PDE3A: variants seen among roughly 807,000 people sequenced by gnomAD.
PDE3A encodes cGMP-inhibited 3',5'-cyclic phosphodiesterase 3A.
A neutral mutation model predicts 98.3 loss-of-function variants in PDE3A; 43 were observed. The observed-to-expected ratio is 0.44, with a 90% CI of 0.34 to 0.56. The LOEUF is 0.56. Ranked by LOEUF, PDE3A falls within the 20% of genes least tolerant of loss-of-function variation. PDE3A has a pLI of 0.01. For synonymous variants in PDE3A, 663 were observed against 567.9 expected, an observed-to-expected ratio of 1.17 and a Z score of -2.38; for missense variants, 1,427 against 1,440.7, an observed-to-expected ratio of 0.99 and a Z score of 0.15.
At chr12:20,663,209 C>T (rs138554351) in intron 15 of PDE3A, among the ~76,000 whole-genome samples, 1 of 152,300 alleles carries the variant, frequency 6.6e-6, no homozygotes, top group East Asian at 1.9e-4. Flanking sequence ...GCCTGGATGT[C>T]CTGGCAGAAG....
At chr12:20,493,007 A>C (rs1371008617) in intron 1 of PDE3A, among the ~76,000 whole-genome samples, 1 of 152,176 alleles carries the variant, frequency 6.6e-6, no homozygotes, top group Non-Finnish European at 1.5e-5. Flanking sequence ...TTCCTTATTG[A>C]TTTAAAGAGG....
chr12:20,679,235 G>T (rs1188444922), intron 15 of PDE3A, among the ~76,000 whole-genome samples: 1 of 152,030 alleles, frequency 6.6e-6, no homozygotes, highest in Non-Finnish European at 1.5e-5. Flanking sequence ...ACTACACTTT[G>T]AAATTAATTT....
rs556150893 is a variant in PDE3A, at chr12:20,680,447, A to C, written c.*176A>C. Reference sequence around the variant, plus strand: ...TTTACAGTGAGGTACATTGTTAAAAACTTTTTGCTCAAAGAAGCTTTCACA... The same window carrying C: ...TTTACAGTGAGGTACATTGTTAAAACCTTTTTGCTCAAAGAAGCTTTCACA... On this transcript the variant is annotated 3_prime_UTR_variant, in exon 16 of 16. Transcript: ENST00000359062. The C allele has an allele frequency of 1.5e-6, 1 of 665,594 alleles. No homozygotes were observed. Among genetic ancestry groups the C allele is most frequent in the Admixed American group, 3.2e-5 (1 of 30,994 alleles). 41.2% of individuals were successfully genotyped at this position (665,594 alleles called of 1,614,324 possible).
At chr12:20,398,886 A>T (rs569973176) in intron 1 of PDE3A, among the ~76,000 whole-genome samples, 1 of 152,298 alleles carries the variant, frequency 6.6e-6, no homozygotes, top group South Asian at 2.1e-4. Context: ...GTACATTTAC[A>T]TTGTTGGGCA....
chr12:20,373,276 T>A (rs1943511703), intron 1 of PDE3A, among the ~76,000 whole-genome samples: 1 of 152,106 alleles, frequency 6.6e-6, no homozygotes, highest in East Asian at 1.9e-4. Flanking sequence ...AGAAGGCAAG[T>A]GTCTGTTAAG....
chr12:20,682,745 T>C lies in PDE3A; in HGVS notation c.*2474T>C, dbSNP rs1314916011. ...TAAGGGGAAAAAAGCATTTATCTTA[T>C]CTTCTCATACCCCTTGCATCTAAGT... On this transcript the variant is annotated 3_prime_UTR_variant, in exon 16 of 16. Transcript: ENST00000359062. 6.6e-6 allele frequency: 1 copy of C among 152,206 alleles called. No homozygotes were observed. The highest frequency in any genetic ancestry group is 1.5e-5 in the Non-Finnish European group (1 of 68,038). 9.4% of individuals were successfully genotyped at this position (152,206 alleles called of 1,614,324 possible). A position where few individuals can be genotyped will look rare whatever the true frequency, so the allele number is the denominator to read the frequency against.
intron 1 of PDE3A, among the ~76,000 whole-genome samples, chr12:20,456,964 G>A (rs1010652310): frequency 6.6e-6 from 1 of 151,992 alleles, no homozygotes; most frequent in African/African-American, 2.4e-5. Context: ...CTCTTCCCTT[G>A]GTTGAGTTAT....
intron 12 of PDE3A, 113 bp downstream of exon 12, chr12:20,647,063 C>T: frequency 2.9e-6 from 2 of 678,898 alleles, no homozygotes; most frequent in Non-Finnish European, 5.1e-6. Flanking sequence ...TATACATAGT[C>T]TTACGTTGAA....
intron 1 of PDE3A, among the ~76,000 whole-genome samples, chr12:20,442,363 A>C (rs1056386786): frequency 6.6e-6 from 1 of 152,178 alleles, no homozygotes; most frequent in Non-Finnish European, 1.5e-5. Flanking sequence ...GTTTGTGTAG[A>C]TTGAAGGGAA....
intron 10 of PDE3A, among the ~76,000 whole-genome samples, chr12:20,641,798 T>C (rs1326368110): frequency 2.6e-5 from 4 of 152,190 alleles, no homozygotes; most frequent in Non-Finnish European, 4.4e-5. Flanking sequence ...ACCCCTGAAA[T>C]AGTGGGTTCT....
intron 1 of PDE3A, among the ~76,000 whole-genome samples, chr12:20,521,082 C>T (rs1047781229): frequency 6.6e-6 from 1 of 151,476 alleles, no homozygotes; most frequent in Non-Finnish European, 1.5e-5. Flanking sequence ...TTGTTGTATA[C>T]CTTTTCCTTC....
At chr12:20,417,533 G>C (rs1349899358) in intron 1 of PDE3A, among the ~76,000 whole-genome samples, 1 of 152,122 alleles carries the variant, frequency 6.6e-6, no homozygotes, top group African/African-American at 2.4e-5. Flanking sequence ...CTGGACTTTT[G>C]TCTGGCAAAG....
chr12:20,452,235 A>G (rs912454705), intron 1 of PDE3A, among the ~76,000 whole-genome samples: 3 of 152,192 alleles, frequency 2.0e-5, no homozygotes, highest in Admixed American at 1.3e-4. Context: ...TGTCTTGTTC[A>G]TTGTTCTTCT....
intron 1 of PDE3A, among the ~76,000 whole-genome samples, chr12:20,421,270 A>G (rs10770656): frequency 0.044 from 6,708 of 152,200 alleles, 437 homozygotes; most frequent in African/African-American, 0.14. Flanking sequence ...TGCCATTTAT[A>G]TTTGCCATCG....
In PDE3A at chr12:20,685,899, T is replaced by C. The variant is rs748663134; in HGVS notation, c.*5628T>C. ...CCAAAAATGCTTCAAAGAGTAATAA[T>C]AAATCACCATAGGTAAGTATTCTCA... is the stretch of plus-strand genomic sequence containing the variant. On this transcript the variant is annotated 3_prime_UTR_variant, in exon 16 of 16. Coordinates refer to ENST00000359062, the MANE Select transcript of PDE3A (RefSeq NM_000921.5). Among the ~76,000 whole-genome samples, 1 of 152,182 alleles carries C rather than the reference T, an allele frequency of 6.6e-6. No individual in the cohort carries two copies. Among genetic ancestry groups the C allele is most frequent in the Non-Finnish European group, 1.5e-5 (1 of 68,012 alleles).
chr12:20,389,917 C>A (rs1383119553), intron 1 of PDE3A, among the ~76,000 whole-genome samples: 1 of 150,552 alleles, frequency 6.6e-6, no homozygotes, highest in African/African-American at 2.4e-5. Flanking sequence ...AATTTCAGTA[C>A]AATATAAAGA....
At chr12:20,503,665 G>T (rs1365494604) in intron 1 of PDE3A, among the ~76,000 whole-genome samples, 1 of 151,826 alleles carries the variant, frequency 6.6e-6, no homozygotes, top group Non-Finnish European at 1.5e-5. Flanking sequence ...TAAAAAAGTT[G>T]TCCAGATGCA....
chr12:20,661,023 G>A (rs903306052), intron 15 of PDE3A, among the ~76,000 whole-genome samples: 1 of 152,174 alleles, frequency 6.6e-6, no homozygotes, highest in African/African-American at 2.4e-5. Flanking sequence ...GAGACTTGTT[G>A]AATGGCTTTG....
intron 10 of PDE3A, among the ~76,000 whole-genome samples, chr12:20,645,263 G>A (rs1944750501): frequency 6.6e-6 from 1 of 152,024 alleles, no homozygotes; most frequent in Non-Finnish European, 1.5e-5. Flanking sequence ...TGAATTTCTA[G>A]GGTGTTTACC....
Sources: gnomAD v4.1 joint callset for allele counts (sites outside exome capture counted in the v4.1 genomes callset) on GRCh38, gnomAD v4.1.1 for gene constraint, MANE v1.5 for transcripts, NCBI Gene and HGNC (gene_info 2026-07-23, HGNC 2026-07-21) for gene names.